PDSS2: variants seen among roughly 807,000 people sequenced by gnomAD.
The protein encoded by PDSS2 is decaprenyl diphosphate synthase subunit 2.
In PDSS2, 31 loss-of-function variants were observed where a neutral mutation model predicts 44.5. That is an observed-to-expected ratio of 0.70 (90% CI 0.52 to 0.94). The LOEUF (loss-of-function observed/expected upper bound fraction) is 0.94. Ranked by LOEUF, PDSS2 falls within the 40% of genes least tolerant of loss-of-function variation. The pLI is 0.00. For missense variants in PDSS2, 452 were observed against 482.2 expected (o/e 0.94, Z 0.59); for synonymous variants, 157 against 180.3 (o/e 0.87, Z 1.03).
chr6:107,315,339 T>C (rs916896853), intron 2 of PDSS2, among the ~76,000 whole-genome samples: 1 of 152,224 alleles, frequency 6.6e-6, no homozygotes, highest in African/African-American at 2.4e-5. Flanking sequence ...GTTAACAGCA[T>C]CTGAATTACT....
At chr6:107,241,245 T>TA (rs35226308) in intron 4 of PDSS2, among the ~76,000 whole-genome samples, 1,001 of 98,062 alleles carry the variant, frequency 0.01, 12 homozygotes, top group African/African-American at 0.019. Flanking sequence ...CGAGACTCGG[T>TA]AAAAAAAAAA....
rs374578810 is a variant in PDSS2, at chr6:107,185,332, G to T, written c.1041+8490C>A. Among the ~76,000 whole-genome samples, 52 of 152,234 alleles carry T rather than the reference G, an allele frequency of 3.4e-4. No homozygotes were observed. The South Asian group carries it at 0.01, about 30-fold the overall frequency. ...AACAGAAGGCAGGCTCTACAATGCT[G>T]AACAGTCTGGTTTTGACCAACTGAT... is the stretch of plus-strand genomic sequence containing the variant. On this transcript the variant is annotated intron_variant, in intron 7 of 7. Transcript: ENST00000369037.
intron 1 of PDSS2, among the ~76,000 whole-genome samples, chr6:107,412,278 C>T (rs1365366199): frequency 1.2e-4 from 13 of 112,318 alleles, no homozygotes; most frequent in East Asian, 2.7e-4. Flanking sequence ...CTCACTCTGT[C>T]GCCCAGGCTG....
At chr6:107,395,091 C>G (rs1253512720) in intron 1 of PDSS2, among the ~76,000 whole-genome samples, 2 of 150,852 alleles carry the variant, frequency 1.3e-5, no homozygotes. Flanking sequence ...CTTTGTTTTT[C>G]CTCTCAACAC....
chr6:107,354,838 A>C (rs891831196), intron 1 of PDSS2, among the ~76,000 whole-genome samples: 4 of 152,230 alleles, frequency 2.6e-5, no homozygotes, highest in Non-Finnish European at 4.4e-5. Flanking sequence ...CTGCAAAATA[A>C]TATTTGGTAA....
intron 1 of PDSS2, among the ~76,000 whole-genome samples, chr6:107,383,535 A>T (rs570189280): frequency 1.1e-4 from 17 of 152,196 alleles, no homozygotes; most frequent in African/African-American, 3.6e-4. Context: ...CCACCCACAG[A>T]ATGGGAGAAA....
intron 3 of PDSS2, 29 bp downstream of exon 3, chr6:107,274,000 A>G (rs767216139): frequency 1.2e-5 from 19 of 1,584,088 alleles, no homozygotes; most frequent in African/African-American, 4.0e-5. Context: ...GAAGCCATTC[A>G]GGTACAACAA....
chr6:107,180,294 C>G (rs537617862), intron 7 of PDSS2, among the ~76,000 whole-genome samples: 2 of 152,280 alleles, frequency 1.3e-5, no homozygotes, highest in Non-Finnish European at 2.9e-5. Flanking sequence ...AGCATCCACC[C>G]GCAGAGCCAG....
intron 7 of PDSS2, among the ~76,000 whole-genome samples, chr6:107,162,494 CAAAAAAAAA>C (rs374615595): frequency 8.5e-5 from 5 of 58,616 alleles, no homozygotes; most frequent in African/African-American, 3.1e-4. Context: ...GAGACCATCT[CAAAAAAAAA>C]AAAAAAAAAA....
At chr6:107,243,225 T>C (rs929700253) in intron 4 of PDSS2, among the ~76,000 whole-genome samples, 1 of 152,232 alleles carries the variant, frequency 6.6e-6, no homozygotes, top group African/African-American at 2.4e-5. Flanking sequence ...TCAGACACTA[T>C]GCTTTCCTGC....
At chr6:107,362,406 A>C (rs1778807768) in intron 1 of PDSS2, among the ~76,000 whole-genome samples, 1 of 152,236 alleles carries the variant, frequency 6.6e-6, no homozygotes, top group South Asian at 2.1e-4. Context: ...TCACTAAGCT[A>C]TGCAGACACA....
chr6:107,323,941 A>G (rs1190723439), intron 2 of PDSS2, among the ~76,000 whole-genome samples: 1 of 152,200 alleles, frequency 6.6e-6, no homozygotes, highest in Non-Finnish European at 1.5e-5. Context: ...AACTCAGCTG[A>G]GTAGATTAGT....
At chr6:107,445,563 C>T (rs1781644152) in intron 1 of PDSS2, among the ~76,000 whole-genome samples, 1 of 152,146 alleles carries the variant, frequency 6.6e-6, no homozygotes, top group East Asian at 1.9e-4. Flanking sequence ...CTATAAATAG[C>T]CTCACATCAA....
intron 1 of PDSS2, among the ~76,000 whole-genome samples, chr6:107,365,553 C>T (rs1778936373): frequency 6.6e-6 from 1 of 151,950 alleles, no homozygotes; most frequent in South Asian, 2.1e-4. Flanking sequence ...ACAAAACAAC[C>T]CACTTAAAAA....
At chr6:107,244,548 G>A (rs921564222) in intron 4 of PDSS2, among the ~76,000 whole-genome samples, 1 of 152,190 alleles carries the variant, frequency 6.6e-6, no homozygotes, top group African/African-American at 2.4e-5. Flanking sequence ...GAGGCCAGAT[G>A]TGCCTACTAG....
At chr6:107,155,417 G>A (rs1421180669) in intron 7 of PDSS2, among the ~76,000 whole-genome samples, 2 of 151,802 alleles carry the variant, frequency 1.3e-5, no homozygotes, top group Non-Finnish European at 2.9e-5. Context: ...AAAGTGCTGG[G>A]ATTACAGGTG....
Position 107,154,792 on chromosome 6 carries a change from A to C in PDSS2, c.1042-15T>G, listed in dbSNP as rs781993164. The stretch of plus-strand genomic sequence containing the variant: ...CTTTCTCGCAACTGTTAAGAAACAA[A>C]TGCATGATAAAAGTCAGTTTTAAAG... On this transcript the variant is annotated splice_polypyrimidine_tract_variant and intron_variant, in intron 7 of 7. Transcript: ENST00000369037. The C allele has an allele frequency of 6.2e-7, 1 of 1,613,636 alleles. No individual in the cohort carries two copies. Among genetic ancestry groups the C allele is most frequent in the Admixed American group, 1.7e-5 (1 of 60,028 alleles).
intron 7 of PDSS2, among the ~76,000 whole-genome samples, chr6:107,190,195 CCA>C (rs1480122629): frequency 2.6e-5 from 4 of 152,154 alleles, no homozygotes; most frequent in East Asian, 1.9e-4. Context: ...AGTAAAAATC[CCA>C]GTCTTTATCT....
chr6:107,202,872 A>G (rs1445964466), intron 6 of PDSS2, among the ~76,000 whole-genome samples: 1 of 151,974 alleles, frequency 6.6e-6, no homozygotes, highest in Admixed American at 6.6e-5. Flanking sequence ...GGAGAGAGGC[A>G]AGGAGATACT....
Sources: gnomAD v4.1 joint callset for allele counts (sites outside exome capture counted in the v4.1 genomes callset) on GRCh38, gnomAD v4.1.1 for gene constraint, MANE v1.5 for transcripts, NCBI Gene and HGNC (gene_info 2026-07-23, HGNC 2026-07-21) for gene names.